Variants in EVI5 observed in about 807,000 individuals in gnomAD.
EVI5 encodes the protein ecotropic viral integration site 5.
EVI5 carries 73 observed loss-of-function variants against 112.0 expected under a neutral mutation model. The ratio of observed to expected loss-of-function variants is 0.65; its 90% CI spans 0.54 to 0.79. The LOEUF (loss-of-function observed/expected upper bound fraction) is 0.79, where lower values mean the gene tolerates loss of function less well. Ranked by LOEUF, EVI5 falls within the 30% of genes least tolerant of loss-of-function variation. The pLI is 0.00. For missense variants in EVI5, 900 were observed against 968.8 expected (o/e 0.93, Z 0.94); for synonymous variants, 305 against 319.9 (o/e 0.95, Z 0.50).
chr1:92,736,323 A>C (rs1677421620), intron 2 of EVI5, 75 bp downstream of exon 2: 1 of 969,294 alleles, frequency 1.0e-6, no homozygotes, highest in African/African-American at 1.7e-5. Context: ...ATAGAAAAAA[A>C]AATTCTAGTG....
intron 13 of EVI5, among the ~76,000 whole-genome samples, chr1:92,651,684 T>C (rs1454558998): frequency 7.7e-6 from 1 of 129,362 alleles, no homozygotes; most frequent in Non-Finnish European, 1.6e-5. Context: ...ACCCCGTCTC[T>C]ATTAAAAATA....
chr1:92,723,623 T>C (rs1198377764), intron 2 of EVI5, among the ~76,000 whole-genome samples: 1 of 152,200 alleles, frequency 6.6e-6, no homozygotes, highest in Non-Finnish European at 1.5e-5. Context: ...ATCACTATTG[T>C]ACAAATTGAT....
rs1040979404 is a variant in EVI5 at position 92,785,085 on chromosome 1, G to T, written c.-331C>A. Reference sequence around the variant, plus strand: ...TGGCCAGCTGGTTCCTCCGGGGTCCGGCCCGGCCGCGTCAGGAGAGCCCAA... The same window carrying T: ...TGGCCAGCTGGTTCCTCCGGGGTCCTGCCCGGCCGCGTCAGGAGAGCCCAA... On this transcript the variant is annotated 5_prime_UTR_variant, in exon 1 of 20. Transcript: ENST00000684568. 3.0e-6 allele frequency: 3 copies of T among 985,384 alleles called. No individual in the cohort carries two copies. Among genetic ancestry groups the T allele is most frequent in the South Asian group, 4.7e-5 (1 of 21,286 alleles). The allele number at this position is 985,384 out of a possible 1,614,324, so 61.0% of individuals were successfully genotyped here. A position where few individuals can be genotyped will look rare whatever the true frequency, so the allele number is the denominator to read the frequency against.
chr1:92,660,153 C>G (rs1572156811), intron 13 of EVI5, among the ~76,000 whole-genome samples: 1 of 151,946 alleles, frequency 6.6e-6, no homozygotes, highest in Non-Finnish European at 1.5e-5. Flanking sequence ...GATGGTTACA[C>G]TAAAAGCCCA....
intron 2 of EVI5, among the ~76,000 whole-genome samples, chr1:92,729,519 T>C (rs1676115314): frequency 6.6e-6 from 1 of 152,182 alleles, no homozygotes; most frequent in Admixed American, 6.5e-5. Context: ...TGAACACAGA[T>C]GCAAATACAT....
At chr1:92,693,039 T>A (rs1250199572) in intron 9 of EVI5, among the ~76,000 whole-genome samples, 2 of 152,090 alleles carry the variant, frequency 1.3e-5, no homozygotes, top group Non-Finnish European at 2.9e-5. Context: ...AAAAAAAGCT[T>A]CATTAGAAAG....
intron 19 of EVI5, among the ~76,000 whole-genome samples, chr1:92,556,184 C>T (rs1571513495): frequency 6.6e-6 from 1 of 151,894 alleles, no homozygotes; most frequent in South Asian, 2.1e-4. Flanking sequence ...CTGCCACAGC[C>T]TCCCCAGTAG....
At chr1:92,670,842 C>A (rs1665747035) in intron 10 of EVI5, among the ~76,000 whole-genome samples, 1 of 152,140 alleles carries the variant, frequency 6.6e-6, no homozygotes. Flanking sequence ...ATCCTACCTG[C>A]ATTTTTGCCC....
rs1024956150 is a variant in EVI5 at position 92,785,024 on chromosome 1, C to T, written c.-270G>A. 6 of 985,444 alleles carry T rather than the reference C, an allele frequency of 6.1e-6. No individual in the cohort carries two copies. Among genetic ancestry groups the T allele is most frequent in the African/African-American group, 1.7e-5 (1 of 57,234 alleles). 61.0% of individuals were successfully genotyped at this position (985,444 alleles called of 1,614,324 possible). A position where few individuals can be genotyped will look rare whatever the true frequency, so the allele number is the denominator to read the frequency against. On this transcript the variant is annotated 5_prime_UTR_variant, in exon 1 of 20. Coordinates refer to ENST00000684568, the MANE Select transcript of EVI5 (RefSeq NM_001350197.2). ...GACCCTCACCTACCCCTCCCGGCAC[C>T]GCCGCTGTCGGAACTGCAGCCAGCC...
chr1:92,734,685 A>G (rs989131006), intron 2 of EVI5, among the ~76,000 whole-genome samples: 3 of 107,166 alleles, frequency 2.8e-5, no homozygotes, highest in Non-Finnish European at 6.2e-5. Flanking sequence ...ATAAAATAAG[A>G]TAAAACTTCT....
intron 18 of EVI5, among the ~76,000 whole-genome samples, chr1:92,564,543 C>G (rs1011838441): frequency 6.6e-6 from 1 of 152,106 alleles, no homozygotes; most frequent in African/African-American, 2.4e-5. Context: ...CCAGATACAG[C>G]TGATTAAAAG....
chr1:92,642,501 CAACT>C (rs1163135931), intron 13 of EVI5, among the ~76,000 whole-genome samples: 2 of 152,158 alleles, frequency 1.3e-5, no homozygotes, highest in African/African-American at 4.8e-5. Context: ...AGACCTATAT[CAACT>C]AACTTCCATT....
chr1:92,629,678 T>C (rs1656475760), intron 14 of EVI5, among the ~76,000 whole-genome samples: 1 of 152,174 alleles, frequency 6.6e-6, no homozygotes, highest in Admixed American at 6.5e-5. Flanking sequence ...TTTTTTCTTT[T>C]ATTATACTTT....
At chr1:92,688,539 G>A (rs978312742) in intron 9 of EVI5, among the ~76,000 whole-genome samples, 1 of 152,076 alleles carries the variant, frequency 6.6e-6, no homozygotes, top group South Asian at 2.1e-4. Context: ...TAAGATCTAG[G>A]TTGGGTGACA....
chr1:92,788,177 T>TA (rs545058399), upstream of EVI5, among the ~76,000 whole-genome samples: 14 of 152,070 alleles, frequency 9.2e-5, no homozygotes, highest in South Asian at 2.1e-4. Flanking sequence ...TTAAAAACTA[T>TA]AAAAAATAGT....
chr1:92,703,328 G>GA, intron 4 of EVI5, 67 bp downstream of exon 4: 1 of 998,214 alleles, frequency 1.0e-6, no homozygotes, highest in Non-Finnish European at 1.5e-6. Context: ...GCTTCATCAT[G>GA]AAAAATGTAT....
intron 1 of EVI5, among the ~76,000 whole-genome samples, chr1:92,745,701 T>G (rs1679158579): frequency 6.6e-6 from 1 of 151,986 alleles, no homozygotes; most frequent in South Asian, 2.1e-4. Flanking sequence ...GAGGCACTTG[T>G]GAGGCCGAGG....
chr1:92,661,695 A>G (rs1450085658), intron 13 of EVI5, among the ~76,000 whole-genome samples: 5 of 149,996 alleles, frequency 3.3e-5, no homozygotes, highest in Non-Finnish European at 6.0e-5. Context: ...TCAATAACAG[A>G]AAAAAAAAGA....
rs112555883 is a variant in EVI5, at chr1:92,509,422, A to G, written c.*4234T>C. ...GTATCTAGCCAAAAAACAAACAAAC[A>G]AACAAACAAACAAAAAAGACGGTGG... On this transcript the variant is annotated 3_prime_UTR_variant, in exon 20 of 20. Coordinates refer to ENST00000684568, the MANE Select transcript of EVI5 (RefSeq NM_001350197.2). 7 of 153,052 alleles carry G rather than the reference A, an allele frequency of 4.6e-5. No individual in the cohort carries two copies. Among genetic ancestry groups the G allele is most frequent in the Middle Eastern group, 3.4e-3 (1 of 296 alleles). 9.5% of individuals were successfully genotyped at this position (153,052 alleles called of 1,614,324 possible).
Sources: allele counts gnomAD v4.1 joint callset (sites outside exome capture counted in the v4.1 genomes callset), GRCh38; gene constraint gnomAD v4.1.1; transcripts MANE v1.5; gene names NCBI Gene and HGNC (gene_info 2026-07-23, HGNC 2026-07-21).